Variants in RNF220 observed in about 807,000 individuals in gnomAD.
RNF220 encodes ring finger protein 220, also known as E3 ubiquitin-protein ligase RNF220.
Under a neutral mutation model 67.1 loss-of-function variants are expected in RNF220, and 7 were observed. The observed-to-expected ratio is 0.10, with a 90% CI of 0.06 to 0.20. The LOEUF is 0.20. Ranked by LOEUF, RNF220 falls within the 10% of genes least tolerant of loss-of-function variation. The pLI, the probability that RNF220 is intolerant of heterozygous loss-of-function variation, is 1.00. For missense variants in RNF220, 565 were observed against 740.3 expected (o/e 0.76, Z 2.75); for synonymous variants, 270 against 283.2 (o/e 0.95, Z 0.47).
At chr1:44,405,930 T>C (rs1647284816) in intron 1 of RNF220, among the ~76,000 whole-genome samples, 1 of 152,168 alleles carries the variant, frequency 6.6e-6, no homozygotes, top group Non-Finnish European at 1.5e-5. Flanking sequence ...ATTCCCACTT[T>C]GTTCGGGTCG....
Position 44,527,238 on chromosome 1 carries a change from A to G in RNF220, c.626-86927A>G, listed in dbSNP as rs1263199722. Among the ~76,000 whole-genome samples the G allele has an allele frequency of 2.0e-5, 3 of 152,110 alleles. 1 individual carries two copies. In the Middle Eastern group the frequency reaches 0.01, roughly 517 times the overall value. On this transcript the variant is annotated intron_variant, in intron 2 of 14. Transcript: ENST00000361799. The stretch of plus-strand genomic sequence containing the variant: ...CAACATATTCAATACTGACATCATT[A>G]TATTCTTCCAAGCCTGCAACTTAAA...
At chr1:44,502,049 T>G (rs1197647395) in intron 2 of RNF220, among the ~76,000 whole-genome samples, 1 of 98,846 alleles carries the variant, frequency 1.0e-5, no homozygotes, top group Non-Finnish European at 2.1e-5. Context: ...TTCACACCAC[T>G]GAAACACACA....
At chr1:44,625,026 T>TGAGAGAGAGAGAGA (rs71665956) in intron 4 of RNF220, among the ~76,000 whole-genome samples, 2 of 147,368 alleles carry the variant, frequency 1.4e-5, no homozygotes, top group Non-Finnish European at 3.0e-5. Flanking sequence ...CTAGAGAGAA[T>TGAGAGAGAGAGAGA]GAGAGAGAGA....
intron 8 of RNF220, among the ~76,000 whole-genome samples, chr1:44,640,599 T>C (rs371736487): frequency 5.3e-5 from 8 of 152,234 alleles, no homozygotes; most frequent in Admixed American, 2.6e-4. Context: ...TGAAACGCGT[T>C]ATCGAGGAGG....
chr1:44,620,221 G>A (rs1312721810), intron 3 of RNF220, among the ~76,000 whole-genome samples: 1 of 152,270 alleles, frequency 6.6e-6, no homozygotes, highest in Non-Finnish European at 1.5e-5. Flanking sequence ...CACGGACTGT[G>A]TGACCATAGA....
At chr1:44,426,601 C>T (rs908719552) in intron 2 of RNF220, among the ~76,000 whole-genome samples, 1 of 152,022 alleles carries the variant, frequency 6.6e-6, no homozygotes, top group South Asian at 2.1e-4. Flanking sequence ...GTGGCACACA[C>T]CTGTAATCCC....
At position 44,412,093 on chromosome 1, in the gene RNF220, C is replaced by G; in HGVS notation, c.-5C>G. On this transcript the variant is annotated 5_prime_UTR_variant, in exon 2 of 15. Coordinates refer to ENST00000361799, the MANE Select transcript of RNF220 (RefSeq NM_018150.4). The surrounding 1 kb of genome is among the most constrained non-coding windows in gnomAD (Gnocchi z 5.3). ...GCGTAACGCCGGCCACAGAAAGAGA[C>G]TCCGATGGACTTACACCGGGCAGCC... 1 of 1,600,046 alleles carries G rather than the reference C, an allele frequency of 6.2e-7. No homozygotes were observed. Among genetic ancestry groups the G allele is most frequent in the South Asian group, 1.1e-5 (1 of 89,826 alleles).
At chr1:44,423,813 G>A (rs1199360287) in intron 2 of RNF220, 1 of 983,994 alleles carries the variant, frequency 1.0e-6, no homozygotes, top group South Asian at 4.7e-5. Flanking sequence ...CCTCTGGGAG[G>A]TGCATTGCTC....
intron 2 of RNF220, among the ~76,000 whole-genome samples, chr1:44,574,547 C>G (rs946418160): frequency 6.6e-6 from 1 of 152,224 alleles, no homozygotes; most frequent in African/African-American, 2.4e-5. Flanking sequence ...CAGACCCAGA[C>G]AGTTCACCAG....
At chr1:44,463,805 A>G (rs1654018849) in intron 2 of RNF220, among the ~76,000 whole-genome samples, 3 of 152,152 alleles carry the variant, frequency 2.0e-5, no homozygotes, top group South Asian at 4.1e-4. Context: ...CTTCTAATTC[A>G]CTCATGGAGT....
chr1:44,584,856 G>A (rs375513645), intron 2 of RNF220, among the ~76,000 whole-genome samples: 110 of 152,242 alleles, frequency 7.2e-4, no homozygotes, highest in African/African-American at 2.3e-3. Flanking sequence ...CTGCCGCCAC[G>A]CCTGGCTACT....
At chr1:44,597,326 C>T (rs1274675886) in intron 2 of RNF220, among the ~76,000 whole-genome samples, 1 of 152,080 alleles carries the variant, frequency 6.6e-6, no homozygotes, top group Non-Finnish European at 1.5e-5. Context: ...AATTCAAACC[C>T]AGGTTAGCAT....
chr1:44,490,951 TG>T (rs1656802307), intron 2 of RNF220, among the ~76,000 whole-genome samples: 1 of 152,146 alleles, frequency 6.6e-6, no homozygotes, highest in Non-Finnish European at 1.5e-5. Flanking sequence ...GAGAATATTA[TG>T]TACAAATATA....
chr1:44,577,123 T>C (rs1572930439), intron 2 of RNF220, among the ~76,000 whole-genome samples: 2 of 152,324 alleles, frequency 1.3e-5, no homozygotes, highest in African/African-American at 2.4e-5. Context: ...AGCCCCACTC[T>C]GGCTCTCATA....
At chr1:44,632,293 G>A (rs1028055320) in intron 5 of RNF220, 50 bp from the exon 6 acceptor site, 8 of 1,613,838 alleles carry the variant, frequency 5.0e-6, no homozygotes, top group Admixed American at 1.7e-5. Context: ...TGCAGGCCGC[G>A]CCTGACGCTC....
intron 2 of RNF220, among the ~76,000 whole-genome samples, chr1:44,433,511 T>G (rs1435310814): frequency 6.6e-6 from 1 of 152,132 alleles, no homozygotes; most frequent in African/African-American, 2.4e-5. Context: ...AAATTGGAGT[T>G]TTTTCCAATT....
At chr1:44,453,982 A>G (rs1362293515) in intron 2 of RNF220, among the ~76,000 whole-genome samples, 3 of 152,234 alleles carry the variant, frequency 2.0e-5, no homozygotes, top group Non-Finnish European at 2.9e-5. Context: ...ACATCATCAC[A>G]TGGCATTCCA....
intron 2 of RNF220, among the ~76,000 whole-genome samples, chr1:44,475,752 A>G (rs1220197720): frequency 7.0e-6 from 1 of 142,830 alleles, no homozygotes; most frequent in African/African-American, 2.8e-5. Flanking sequence ...AGTGGCTCAC[A>G]CCTGTAATCC....
chr1:44,448,206 C>T (rs572951435), intron 2 of RNF220, among the ~76,000 whole-genome samples: 11 of 152,210 alleles, frequency 7.2e-5, no homozygotes, highest in South Asian at 4.1e-4. Flanking sequence ...GGCCGAGGCA[C>T]GAGAATCGCT....
Sources: allele counts gnomAD v4.1 joint callset (sites outside exome capture counted in the v4.1 genomes callset), GRCh38; gene constraint gnomAD v4.1.1; non-coding constraint Gnocchi (gnomAD v3.1); transcripts MANE v1.5; gene names NCBI Gene and HGNC (gene_info 2026-07-23, HGNC 2026-07-21).